PSMA5: variants seen among roughly 807,000 people sequenced by gnomAD.
The protein encoded by PSMA5 is proteasome 20S subunit alpha 5.
A neutral mutation model predicts 34.5 loss-of-function variants in PSMA5; 3 were observed. That is an observed-to-expected ratio of 0.09 (90% CI 0.04 to 0.22). The LOEUF is 0.22. Ranked by LOEUF, PSMA5 falls within the 10% of genes least tolerant of loss-of-function variation. The pLI is 1.00. For missense variants in PSMA5, 120 were observed against 286.1 expected (o/e 0.42, Z 4.19); for synonymous variants, 88 against 95.8 (o/e 0.92, Z 0.47).
chr1:109,410,945 CATTTT>C, intron 7 of PSMA5, 61 bp downstream of exon 7: 1 of 1,241,358 alleles, frequency 8.1e-7, no homozygotes. Flanking sequence ...AAGGTTTGCA[CATTTT>C]ATTATATGTA....
chr1:109,409,592 G>C (rs571901251), intron 8 of PSMA5, among the ~76,000 whole-genome samples: 46 of 152,278 alleles, frequency 3.0e-4, no homozygotes, highest in African/African-American at 1.1e-3. Context: ...GTAGTCTTCA[G>C]CAATGCCAGC....
In PSMA5 at chr1:109,399,592, TATTAA is replaced by T. The variant is rs1018551683; in HGVS notation, c.*2416_*2420del. The T allele has an allele frequency of 2.6e-5, 4 of 152,216 alleles. No individual in the cohort carries two copies. Among genetic ancestry groups the T allele is most frequent in the African/African-American group, 9.7e-5 (4 of 41,440 alleles). The allele number at this position is 152,216 out of a possible 1,614,324, so 9.4% of individuals were successfully genotyped here. A position where few individuals can be genotyped will look rare whatever the true frequency, so the allele number is the denominator to read the frequency against. ...AATTACCAAATACACTTTTAAACGC[TATTAA>T]ATTTGTTCCAATTATCTGTACCTTC... On this transcript the variant is annotated 3_prime_UTR_variant, in exon 9 of 9. Coordinates refer to ENST00000271308, the MANE Select transcript of PSMA5 (RefSeq NM_002790.4).
At chr1:109,411,222 C>A in intron 6 of PSMA5, 109 bp from the exon 7 acceptor site, 1 of 692,892 alleles carries the variant, frequency 1.4e-6, no homozygotes, top group South Asian at 1.8e-5. Flanking sequence ...AGCCAGGAAA[C>A]ACCACTGAAA....
At chr1:109,413,713 A>AT (rs1654091382) in intron 3 of PSMA5, among the ~76,000 whole-genome samples, 1 of 152,206 alleles carries the variant, frequency 6.6e-6, no homozygotes, top group Non-Finnish European at 1.5e-5. Flanking sequence ...AGTTTCAGAC[A>AT]TATAAAGCCA....
chr1:109,404,679 CTATT>C (rs1653673738), intron 8 of PSMA5, among the ~76,000 whole-genome samples: 1 of 152,176 alleles, frequency 6.6e-6, no homozygotes, highest in Non-Finnish European at 1.5e-5. Flanking sequence ...AGATACTTTT[CTATT>C]TATTATCTCA....
intron 8 of PSMA5, among the ~76,000 whole-genome samples, chr1:109,403,044 C>T (rs951978181): frequency 3.3e-5 from 5 of 152,106 alleles, no homozygotes; most frequent in African/African-American, 1.2e-4. Context: ...GAAAAGATTT[C>T]ATTAACACTG....
intron 6 of PSMA5, among the ~76,000 whole-genome samples, chr1:109,411,650 T>C (rs1653995349): frequency 6.6e-6 from 1 of 152,172 alleles, no homozygotes; most frequent in Non-Finnish European, 1.5e-5. Flanking sequence ...AGATGGGGTC[T>C]GGCTCTGTTA....
At position 109,412,031 on chromosome 1, in the gene PSMA5, A is replaced by C. The variant is rs764547794; in HGVS notation, c.399+46T>G. The C allele has an allele frequency of 1.9e-6, 3 of 1,583,634 alleles. No homozygotes were observed. In the Admixed American group the frequency reaches 5.0e-5, roughly 26 times the overall value. On this transcript the variant is annotated intron_variant, in intron 5 of 8. Transcript: ENST00000271308. ...TTATGTTCACAGGACAAATGTCCTA[A>C]GTCCCATAGAACAATAAGAAAACTC...
chr1:109,411,837 C>G (rs1654003555), intron 6 of PSMA5, 40 bp downstream of exon 6: 2 of 1,560,696 alleles, frequency 1.3e-6, no homozygotes, highest in Non-Finnish European at 1.8e-6. Flanking sequence ...AAAATAATTC[C>G]CTGCAAAAGC....
rs1181659882 is a variant in PSMA5 at position 109,401,125 on chromosome 1, G to A, written c.*888C>T. The A allele has an allele frequency of 2.0e-5, 3 of 152,174 alleles. No homozygotes were observed. The highest frequency in any genetic ancestry group is 4.4e-5 in the Non-Finnish European group (3 of 68,036). 9.4% of individuals were successfully genotyped at this position (152,174 alleles called of 1,614,324 possible). A position where few individuals can be genotyped will look rare whatever the true frequency, so the allele number is the denominator to read the frequency against. ...AACAATCTCCACCAATCATATGATG[G>A]CAGCTCTAATGGGGAAAGTTCATCA... On this transcript the variant is annotated 3_prime_UTR_variant, in exon 9 of 9. Coordinates refer to ENST00000271308, the MANE Select transcript of PSMA5 (RefSeq NM_002790.4).
chr1:109,401,996 C>G lies in PSMA5; in HGVS notation c.*17G>C, dbSNP rs571663193. On this transcript the variant is annotated 3_prime_UTR_variant, in exon 9 of 9. Coordinates refer to ENST00000271308, the MANE Select transcript of PSMA5 (RefSeq NM_002790.4). ...GAACTGAAATTGTCCCAGAGAAGTT[C>G]TGAGGATCAGGATTCCTTAAATGTC... The G allele has an allele frequency of 3.8e-6, 6 of 1,573,510 alleles. No individual in the cohort carries two copies. The South Asian group carries it at 5.6e-5, about 15-fold the overall frequency.
At chr1:109,405,262 T>C (rs1446819403) in intron 8 of PSMA5, among the ~76,000 whole-genome samples, 1 of 152,160 alleles carries the variant, frequency 6.6e-6, no homozygotes, top group Non-Finnish European at 1.5e-5. Context: ...TCCTCTTCTG[T>C]AAAATAAGAT....
intron 2 of PSMA5, 128 bp downstream of exon 2, chr1:109,421,732 G>T: frequency 2.7e-6 from 2 of 728,454 alleles, no homozygotes; most frequent in Admixed American, 3.1e-5. Flanking sequence ...ATGGTTAACA[G>T]TGGTTGCTTA....
intron 4 of PSMA5, chr1:109,412,626 G>GT (rs1047677210): frequency 4.6e-4 from 14 of 30,582 alleles, no homozygotes; most frequent in Non-Finnish European, 7.4e-4. Context: ...CAGCTACAAA[G>GT]TTTAAAAAAA....
rs113853295 is a variant in PSMA5, at chr1:109,401,794, C to T, written c.*219G>A. ...CCTGGGCAATATAGTGAGACCTCAT[C>T]TCTTAAAAAAAAAAAAAAAAAAAAG... On this transcript the variant is annotated 3_prime_UTR_variant, in exon 9 of 9. Transcript: ENST00000271308. 10 of 324,934 alleles carry T rather than the reference C, an allele frequency of 3.1e-5. No individual in the cohort carries two copies. The highest frequency in any genetic ancestry group is 2.0e-4 in the African/African-American group (8 of 39,096). The allele number at this position is 324,934 out of a possible 1,614,324, so 20.1% of individuals were successfully genotyped here. A position where few individuals can be genotyped will look rare whatever the true frequency, so the allele number is the denominator to read the frequency against.
In PSMA5 at chr1:109,401,382, GTTC is replaced by G. The variant is rs1471078918; in HGVS notation, c.*628_*630del. The G allele has an allele frequency of 6.6e-6, 1 of 152,098 alleles. No homozygotes were observed. Among genetic ancestry groups the G allele is most frequent in the African/African-American group, 2.4e-5 (1 of 41,416 alleles). 9.4% of individuals were successfully genotyped at this position (152,098 alleles called of 1,614,324 possible). A position where few individuals can be genotyped will look rare whatever the true frequency, so the allele number is the denominator to read the frequency against. ...TGTTTTGAGGAGGACCTCAAAACAT[GTTC>G]TTCTGATAGTCAATTAGTAGCATCT... On this transcript the variant is annotated 3_prime_UTR_variant, in exon 9 of 9. Coordinates refer to ENST00000271308, the MANE Select transcript of PSMA5 (RefSeq NM_002790.4).
intron 2 of PSMA5, among the ~76,000 whole-genome samples, chr1:109,419,929 C>T (rs1476976532): frequency 3.4e-5 from 5 of 148,512 alleles, no homozygotes; most frequent in East Asian, 3.9e-4. Flanking sequence ...ACCTGAGATG[C>T]GCCACTGCAT....
At chr1:109,415,770 TAA>T (rs1293029109) in intron 2 of PSMA5, among the ~76,000 whole-genome samples, 1 of 152,094 alleles carries the variant, frequency 6.6e-6, no homozygotes, top group Non-Finnish European at 1.5e-5. Flanking sequence ...AAGAAAGTAA[TAA>T]AACTCTTAAT....
chr1:109,413,249 A>G, intron 3 of PSMA5, 114 bp from the exon 4 acceptor site: 1 of 867,194 alleles, frequency 1.2e-6, no homozygotes, highest in East Asian at 2.5e-5. Flanking sequence ...CAGCTATCCC[A>G]TGGCATTTTA....
Sources: allele counts gnomAD v4.1 joint callset (sites outside exome capture counted in the v4.1 genomes callset), GRCh38; gene constraint gnomAD v4.1.1; transcripts MANE v1.5; gene names NCBI Gene and HGNC (gene_info 2026-07-23, HGNC 2026-07-21).